ROBO2: variants seen among roughly 807,000 people sequenced by gnomAD.
ROBO2 encodes the protein roundabout guidance receptor 2, also known as roundabout homolog 2.
A neutral mutation model predicts 160.8 loss-of-function variants in ROBO2; 53 were observed. That is an observed-to-expected ratio of 0.33 (90% confidence interval 0.26 to 0.41). ROBO2 has a LOEUF of 0.41. Among genes scored for constraint, ROBO2 ranks in the 10% least tolerant of loss-of-function variants. ROBO2 has a pLI of 1.00. For synonymous variants in ROBO2, 664 were observed against 611.7 expected, an observed-to-expected ratio of 1.09 and a Z score of -1.26; for missense variants, 1,577 against 1,722.4, an observed-to-expected ratio of 0.92 and a Z score of 1.49.
intron 2 of ROBO2, among the ~76,000 whole-genome samples, chr3:76,099,109 C>T (rs1337519451): frequency 6.6e-6 from 1 of 151,948 alleles, no homozygotes; most frequent in African/African-American, 2.4e-5. Flanking sequence ...TTAGGAAACC[C>T]AAGTGAAAAT....
At chr3:76,394,054 C>T (rs1354551054) in intron 2 of ROBO2, among the ~76,000 whole-genome samples, 11 of 152,146 alleles carry the variant, frequency 7.2e-5, no homozygotes, top group Non-Finnish European at 1.3e-4. Context: ...GAATACAGCA[C>T]ACTGATGGGT....
At chr3:77,416,716 CAAAA>C (rs61204363) in intron 2 of ROBO2, among the ~76,000 whole-genome samples, 6 of 90,006 alleles carry the variant, frequency 6.7e-5, no homozygotes, top group African/African-American at 1.3e-4. Context: ...GATTCCATCT[CAAAA>C]AAAAAAAAAA....
intron 2 of ROBO2, among the ~76,000 whole-genome samples, chr3:77,110,635 CTA>C (rs528699895): frequency 1.4e-5 from 2 of 147,898 alleles, no homozygotes; most frequent in Non-Finnish European, 1.5e-5. Context: ...AGGCATAAGA[CTA>C]TATATATATA....
chr3:76,990,751 GAGATCTCAGGA>G (rs1300581171), intron 2 of ROBO2, among the ~76,000 whole-genome samples: 4 of 152,262 alleles, frequency 2.6e-5, no homozygotes, highest in Middle Eastern at 3.4e-3. Context: ...GCTTCCTGAT[GAGATCTCAGGA>G]GTTGGGTGAA....
At chr3:76,511,338 C>A (rs1382818624) in intron 2 of ROBO2, among the ~76,000 whole-genome samples, 2 of 152,170 alleles carry the variant, frequency 1.3e-5, no homozygotes, top group East Asian at 3.8e-4. Flanking sequence ...AGACATTTTT[C>A]TTATTGGTTT....
chr3:77,462,978 A>G (rs535726566), intron 2 of ROBO2, among the ~76,000 whole-genome samples: 1 of 152,316 alleles, frequency 6.6e-6, no homozygotes, highest in African/African-American at 2.4e-5. Flanking sequence ...ACCTTACGGC[A>G]TTTTAAGTAT....
chr3:76,536,799 T>C (rs1341672804), intron 2 of ROBO2, among the ~76,000 whole-genome samples: 2 of 152,170 alleles, frequency 1.3e-5, no homozygotes, highest in East Asian at 1.9e-4. Context: ...GAGTCAAACA[T>C]TGGAATTCCT....
rs1425943693 is a variant in ROBO2 at position 76,038,310 on chromosome 3, A to G, written c.109+100708A>G. On this transcript the variant is annotated intron_variant, in intron 2 of 26. Coordinates refer to the ROBO2 transcript ENST00000487694. ...ATTGCATTGAGTGTATATTGCAAGA[A>G]GAGTGGGGAAAAGAAATTATGAGGA... is the stretch of plus-strand genomic sequence containing the variant. Among the ~76,000 whole-genome samples the G allele has an allele frequency of 2.6e-5, 4 of 152,104 alleles. No homozygotes were observed. In the East Asian group the frequency reaches 7.7e-4, roughly 29 times the overall value.
At chr3:76,440,698 G>T (rs1489382179) in intron 2 of ROBO2, among the ~76,000 whole-genome samples, 1 of 152,222 alleles carries the variant, frequency 6.6e-6, no homozygotes, top group East Asian at 1.9e-4. Context: ...GCCTGCTCCT[G>T]GAATCACTAA....
chr3:77,237,392 G>GT (rs1360737471), intron 2 of ROBO2, among the ~76,000 whole-genome samples: 1 of 118,472 alleles, frequency 8.4e-6, no homozygotes, highest in Non-Finnish European at 1.9e-5. Flanking sequence ...TCTTTTTCCT[G>GT]TTTTTGTTTT....
chr3:77,624,401 G>T (rs182629678), intron 23 of ROBO2, among the ~76,000 whole-genome samples: 1 of 151,980 alleles, frequency 6.6e-6, no homozygotes, highest in Admixed American at 6.6e-5. Context: ...GAGTGAGTAC[G>T]TGTATAAATG....
intron 2 of ROBO2, among the ~76,000 whole-genome samples, chr3:77,136,584 C>G (rs2076295146): frequency 6.8e-6 from 1 of 148,104 alleles, no homozygotes; most frequent in Non-Finnish European, 1.5e-5. Context: ...AAGTAATCCT[C>G]CAACCTCAGC....
At position 77,069,869 on chromosome 3, in the gene ROBO2, T is replaced by A. The variant is rs550487156; in HGVS notation, c.62-28145T>A. On this transcript the variant is annotated intron_variant, in intron 1 of 25. Transcript: ENST00000461745. ...GGGAAGAGCGCTGATATGTGTTGAA[T>A]TGTGTCCCTCCAAAAATGTTTGTTA... 1.1e-3 allele frequency among the ~76,000 whole-genome samples: 175 copies of A among 152,190 alleles called. 1 individual carries two copies. Among genetic ancestry groups the A allele is most frequent in the African/African-American group, 4.0e-3 (165 of 41,528 alleles).
At chr3:76,199,469 C>T (rs528322404) in intron 2 of ROBO2, among the ~76,000 whole-genome samples, 7 of 152,126 alleles carry the variant, frequency 4.6e-5, no homozygotes, top group South Asian at 2.1e-4. Flanking sequence ...GATCCTAATT[C>T]CTTGAGACCC....
intron 2 of ROBO2, among the ~76,000 whole-genome samples, chr3:76,211,850 G>C (rs967695526): frequency 2.6e-5 from 4 of 151,890 alleles, no homozygotes; most frequent in Non-Finnish European, 5.9e-5. Context: ...AAGTATATCA[G>C]AGTAGTTGCA....
At chr3:76,244,793 C>A (rs1405577786) in intron 2 of ROBO2, among the ~76,000 whole-genome samples, 1 of 152,082 alleles carries the variant, frequency 6.6e-6, no homozygotes, top group Non-Finnish European at 1.5e-5. Flanking sequence ...TACTGAAGGT[C>A]TTTTCTAATT....
At chr3:76,857,227 C>T (rs572754933) in intron 2 of ROBO2, among the ~76,000 whole-genome samples, 1 of 152,210 alleles carries the variant, frequency 6.6e-6, no homozygotes, top group East Asian at 1.9e-4. Context: ...CCTCGTGATC[C>T]GCCCGCCTCG....
At chr3:77,432,621 C>T (rs537428901) in intron 2 of ROBO2, among the ~76,000 whole-genome samples, 2 of 152,274 alleles carry the variant, frequency 1.3e-5, no homozygotes, top group Non-Finnish European at 2.9e-5. Flanking sequence ...TCTATGGCTG[C>T]TTTGGGGCCA....
chr3:77,239,349 C>A (rs1380752042), intron 2 of ROBO2, among the ~76,000 whole-genome samples: 1 of 151,924 alleles, frequency 6.6e-6, no homozygotes, highest in Non-Finnish European at 1.5e-5. Flanking sequence ...GTTCATTCCT[C>A]CCGGTGGGCT....
Sources: allele counts gnomAD v4.1 joint callset (sites outside exome capture counted in the v4.1 genomes callset), GRCh38; gene constraint gnomAD v4.1.1; transcripts MANE v1.5; gene names NCBI Gene and HGNC (gene_info 2026-07-23, HGNC 2026-07-21).